Variants in CNTN6 observed in about 807,000 individuals in gnomAD.
CNTN6 encodes contactin-6.
CNTN6 carries 137 observed loss-of-function variants against 122.8 expected under a neutral mutation model. The observed-to-expected ratio is 1.12, with a 90% CI of 0.97 to 1.29. CNTN6 has a LOEUF of 1.29. Among genes scored for constraint, CNTN6 ranks in the 50% most tolerant of loss-of-function variants. The pLI is 0.00. For missense variants in CNTN6, 1,634 were observed against 1,223.4 expected (o/e 1.34, Z -5.01); for synonymous variants, 570 against 426.0 (o/e 1.34, Z -4.16).
intron 2 of CNTN6, among the ~76,000 whole-genome samples, chr3:1,160,006 G>A (rs149362542): frequency 0.18 from 26,600 of 151,466 alleles, 2,819 homozygotes; most frequent in East Asian, 0.31. Flanking sequence ...TTTTTAGTAG[G>A]GACAAGGTTT....
At chr3:1,127,140 C>T (rs548687669) in intron 1 of CNTN6, among the ~76,000 whole-genome samples, 7 of 151,574 alleles carry the variant, frequency 4.6e-5, no homozygotes, top group South Asian at 2.1e-4. Context: ...ATTTCATTTA[C>T]GAGCAAAATA....
intron 5 of CNTN6, among the ~76,000 whole-genome samples, chr3:1,284,158 CTG>C (rs1415613053): frequency 6.6e-6 from 1 of 152,198 alleles, no homozygotes; most frequent in South Asian, 2.1e-4. Context: ...TTTGGATCAT[CTG>C]TGTCTGTAGC....
At chr3:1,118,727 T>G (rs529717686) in intron 1 of CNTN6, among the ~76,000 whole-genome samples, 1 of 152,278 alleles carries the variant, frequency 6.6e-6, no homozygotes, top group East Asian at 1.9e-4. Context: ...CTCTAATTCA[T>G]AATTTAATGG....
chr3:1,143,452 C>T (rs1281807720), intron 1 of CNTN6, among the ~76,000 whole-genome samples: 1 of 152,090 alleles, frequency 6.6e-6, no homozygotes, highest in Non-Finnish European at 1.5e-5. Flanking sequence ...GATTTATATA[C>T]TGGTTTTCCT....
intron 4 of CNTN6, among the ~76,000 whole-genome samples, chr3:1,235,791 G>C (rs1329416763): frequency 6.6e-6 from 1 of 152,130 alleles, no homozygotes; most frequent in East Asian, 1.9e-4. Flanking sequence ...TCTCAATAGG[G>C]AGGCTGGTGG....
chr3:1,303,567 G>T (rs1697801921), intron 7 of CNTN6, among the ~76,000 whole-genome samples: 1 of 152,080 alleles, frequency 6.6e-6, no homozygotes, highest in African/African-American at 2.4e-5. Context: ...CGTTATTTCA[G>T]CTGTAATTCT....
At chr3:1,213,874 C>G (rs578061617) in intron 2 of CNTN6, among the ~76,000 whole-genome samples, 3 of 151,862 alleles carry the variant, frequency 2.0e-5, no homozygotes, top group African/African-American at 4.8e-5. Context: ...ATGAATGATA[C>G]AAAGAGGTCA....
intron 11 of CNTN6, among the ~76,000 whole-genome samples, chr3:1,335,256 T>C (rs1033815690): frequency 6.6e-6 from 1 of 152,152 alleles, no homozygotes; most frequent in Non-Finnish European, 1.5e-5. Flanking sequence ...CACTGCTACA[T>C]TGGATGTATT....
At chr3:1,381,578 A>G (rs79452582) in intron 17 of CNTN6, among the ~76,000 whole-genome samples, 4,110 of 152,252 alleles carry the variant, frequency 0.027, 65 homozygotes, top group Non-Finnish European at 0.038. Context: ...GCTCTAGGCA[A>G]CCATCAACAA....
At chr3:1,110,769 C>T (rs2091445131) in intron 1 of CNTN6, among the ~76,000 whole-genome samples, 1 of 152,060 alleles carries the variant, frequency 6.6e-6, no homozygotes, top group Non-Finnish European at 1.5e-5. Context: ...CAGTTGAAGT[C>T]CTCCCAGGTC....
intron 7 of CNTN6, among the ~76,000 whole-genome samples, chr3:1,302,115 A>G (rs1697535478): frequency 1.3e-5 from 2 of 152,176 alleles, no homozygotes; most frequent in South Asian, 4.1e-4. Flanking sequence ...CAAACGTCTT[A>G]TCTTCAAAAT....
chr3:1,165,779 A>G (rs187164934), intron 2 of CNTN6, among the ~76,000 whole-genome samples: 2 of 152,334 alleles, frequency 1.3e-5, no homozygotes, highest in East Asian at 3.9e-4. Flanking sequence ...TCAAGATAAC[A>G]TGGCAGGTCA....
intron 1 of CNTN6, among the ~76,000 whole-genome samples, chr3:1,121,123 G>A (rs2091932327): frequency 1.3e-5 from 2 of 152,136 alleles, no homozygotes; most frequent in Admixed American, 6.6e-5. Flanking sequence ...GAAAGTGTGT[G>A]CAGTTACTGG....
rs762172120 is a variant in CNTN6, at chr3:1,385,619, C to G, written c.2526C>G (p.Tyr842Ter). 1 of 1,612,256 alleles carries G rather than the reference C, an allele frequency of 6.2e-7. No homozygotes were observed. The highest frequency in any genetic ancestry group is 8.5e-7 in the Non-Finnish European group (1 of 1,179,218). ...TGGTTTTTAATTATCAGGTCTTATA[C>G]TGGACAGATGACTCCAAAGAATCCA... ...TGRVLGYEVLYWTDDSKESMI... is the reference protein window; with the variant it reads ...TGRVLGYEVL The change falls in exon 20 of 23, where the codon TAC becomes TAG. Residue 842 changes from tyrosine to a stop codon, truncating the protein, a stop_gained. Coordinates refer to ENST00000446702, the MANE Select transcript of CNTN6 (RefSeq NM_001289080.2). LOFTEE classifies it high-confidence loss of function.
chr3:1,113,410 G>A (rs1559337524), intron 1 of CNTN6, among the ~76,000 whole-genome samples: 1 of 152,072 alleles, frequency 6.6e-6, no homozygotes, highest in Admixed American at 6.6e-5. Flanking sequence ...CTAATTATTG[G>A]TTGAGAAGAT....
intron 4 of CNTN6, among the ~76,000 whole-genome samples, chr3:1,237,342 C>CAAT (rs1024239748): frequency 9.9e-5 from 15 of 151,494 alleles, no homozygotes; most frequent in East Asian, 3.9e-4. Flanking sequence ...CAAAGACAAA[C>CAAT]AATAATAATA....
chr3:1,373,830 A>G, intron 15 of CNTN6, 68 bp downstream of exon 15: 2 of 1,474,398 alleles, frequency 1.4e-6, no homozygotes, highest in African/African-American at 1.4e-5. Context: ...TAATAAATGC[A>G]ATTACATTTT....
chr3:1,361,389 G>T (rs2126104877), intron 12 of CNTN6, among the ~76,000 whole-genome samples: 1 of 152,208 alleles, frequency 6.6e-6, no homozygotes, highest in African/African-American at 2.4e-5. Flanking sequence ...TGGTTCTTCA[G>T]TTTGGTTTTG....
In CNTN6 at chr3:1,403,413, A is replaced by C; in HGVS notation, c.3082A>C (p.Ile1028Leu). The part of the protein sequence containing the change: ...IFHCFAIQPL[I>L] Reference sequence around the variant, plus strand: ...TCACTGTTTTGCTATTCAGCCACTTATCTGATGAATAAAACCATAAATCTT... The same window carrying C: ...TCACTGTTTTGCTATTCAGCCACTTCTCTGATGAATAAAACCATAAATCTT... The change falls in exon 23 of 23, where the codon ATC (isoleucine) becomes CTC (leucine). Residue 1028 changes from isoleucine (I) to leucine (L), a missense_variant. Coordinates refer to ENST00000446702, the MANE Select transcript of CNTN6 (RefSeq NM_001289080.2). The C allele has an allele frequency of 6.3e-7, 1 of 1,591,290 alleles. No individual in the cohort carries two copies. Among genetic ancestry groups the C allele is most frequent in the East Asian group, 2.2e-5 (1 of 44,630 alleles).
Sources: allele counts gnomAD v4.1 joint callset (sites outside exome capture counted in the v4.1 genomes callset), GRCh38; gene constraint gnomAD v4.1.1; transcripts MANE v1.5; gene names NCBI Gene and HGNC (gene_info 2026-07-23, HGNC 2026-07-21).